ADGB: variants seen among roughly 807,000 people sequenced by gnomAD.
ADGB encodes androglobin, also known as calpain-7-like protein.
Under a neutral mutation model 210.5 loss-of-function variants are expected in ADGB, and 172 were observed. The observed-to-expected ratio is 0.82, with a 90% CI of 0.72 to 0.93. The LOEUF (loss-of-function observed/expected upper bound fraction) is 0.93. ADGB is among the 40% of genes least tolerant of loss of function. The probability of loss-of-function intolerance (pLI) is 0.00; values close to 1 mark genes in which losing one functional copy is unlikely to be tolerated. For missense variants in ADGB, 2,025 were observed against 1,964.8 expected (o/e 1.03, Z -0.58); for synonymous variants, 658 against 662.7 (o/e 0.99, Z 0.11).
intron 28 of ADGB, among the ~76,000 whole-genome samples, chr6:146,766,523 G>T (rs1479864729): frequency 2.0e-5 from 3 of 151,552 alleles, no homozygotes; most frequent in African/African-American, 7.3e-5. Context: ...CCTGAGGGTG[G>T]GGGAGAGGAG....
chr6:146,619,570 G>A (rs1287536005), intron 1 of ADGB, among the ~76,000 whole-genome samples: 1 of 151,752 alleles, frequency 6.6e-6, no homozygotes, highest in Non-Finnish European at 1.5e-5. Context: ...GTTACCATGA[G>A]GCATACAGAA....
intron 26 of ADGB, among the ~76,000 whole-genome samples, chr6:146,751,842 A>G (rs531784117): frequency 9.5e-4 from 145 of 152,248 alleles, no homozygotes; most frequent in African/African-American, 3.3e-3. Context: ...TGCTTATTAC[A>G]TCTAAACAAA....
intron 17 of ADGB, among the ~76,000 whole-genome samples, chr6:146,723,519 T>C (rs1340790341): frequency 1.3e-5 from 2 of 152,110 alleles, no homozygotes; most frequent in African/African-American, 4.8e-5. Context: ...GCAGATCACC[T>C]GAGGTCAGGA....
chr6:146,661,220 C>CTTTTTTTTTTTTTTTTTT (rs5880682), intron 5 of ADGB, among the ~76,000 whole-genome samples: 70 of 116,030 alleles, frequency 6.0e-4, no homozygotes, highest in Non-Finnish European at 8.4e-4. Flanking sequence ...TTCTTTTTTT[C>CTTTTTTTTTTTTTTTTTT]TTTTTTTTTT....
chr6:146,707,241 C>T (rs541676067), intron 13 of ADGB, among the ~76,000 whole-genome samples: 3 of 152,194 alleles, frequency 2.0e-5, no homozygotes, highest in Admixed American at 6.5e-5. Context: ...TTAAGACTTG[C>T]TTTGTGGCCT....
chr6:146,689,348 C>T (rs548530594), intron 10 of ADGB, among the ~76,000 whole-genome samples: 2 of 152,248 alleles, frequency 1.3e-5, no homozygotes, highest in East Asian at 3.9e-4. Flanking sequence ...CATTACTTTA[C>T]ATGAATCAGA....
Position 146,721,479 on chromosome 6 carries a change from C to A in ADGB, c.2069C>A (p.Ala690Glu), listed in dbSNP as rs1181204486. 1.3e-6 allele frequency: 2 copies of A among 1,549,472 alleles called. No individual in the cohort carries two copies. Among genetic ancestry groups the A allele is most frequent in the Non-Finnish European group, 1.7e-6 (2 of 1,145,122 alleles). Residue 690 changes from alanine to glutamate, a missense_variant, in exon 17 of 36, where the codon GCA (alanine) becomes GAA (glutamate). Physicochemically the swap from Ala to Glu is moderately radical, Grantham distance 107. Transcript: ENST00000397944. ...ATTGAACTACTGGTTTGCTTTTCTG[C>A]ATTGGTACGCTGGGGGGAGTATGGA... ...KPIELLVCFS[A>E]LVRWGEYGAL...
At chr6:146,714,467 A>C (rs111299603) in intron 13 of ADGB, among the ~76,000 whole-genome samples, 32 of 152,346 alleles carry the variant, frequency 2.1e-4, no homozygotes, top group African/African-American at 7.2e-4. Flanking sequence ...ACTTTCACTT[A>C]ATTCCTCTGT....
intron 29 of ADGB, among the ~76,000 whole-genome samples, chr6:146,770,247 C>G (rs925475932): frequency 4.9e-4 from 75 of 152,054 alleles, no homozygotes; most frequent in African/African-American, 1.8e-3. Context: ...TGGACCTGAT[C>G]AAGAAAGAGC....
In ADGB at chr6:146,635,500, C is replaced by T. The variant is rs1209846729; in HGVS notation, c.200C>T (p.Ala67Val). 1 of 1,545,442 alleles carries T rather than the reference C, an allele frequency of 6.5e-7. No individual in the cohort carries two copies. Among genetic ancestry groups the T allele is most frequent in the Non-Finnish European group, 8.7e-7 (1 of 1,143,750 alleles). ...NSEKWDAGKGAKEKDKTGKSP... is the reference protein window; with the variant it reads ...NSEKWDAGKGVKEKDKTGKSP... Reference sequence around the variant, plus strand: ...GAAAAGTGGGATGCAGGCAAAGGTGCAAAAGAAAAGGACAAAACAGGAAAA... The same window carrying T: ...GAAAAGTGGGATGCAGGCAAAGGTGTAAAAGAAAAGGACAAAACAGGAAAA... Residue 67 changes from alanine to valine, a missense_variant, in exon 2 of 36, where the codon GCA becomes GTA. Ala to Val is a moderately conservative substitution (Grantham distance 64). Coordinates refer to ENST00000397944, the MANE Select transcript of ADGB (RefSeq NM_024694.4).
chr6:146,730,753 A>G (rs1295078607), intron 20 of ADGB, among the ~76,000 whole-genome samples: 4 of 152,176 alleles, frequency 2.6e-5, no homozygotes, highest in African/African-American at 9.7e-5. Flanking sequence ...GTACTGGCCA[A>G]CGTGGTGAAA....
rs186482591 is a variant in ADGB, at chr6:146,676,501, A to G, written c.1216+60A>G. ...TAGTTGTTTCTTAAAATGCTGGAAA[A>G]CCTTGGAACATAGAAATACATTTTT... On this transcript the variant is annotated intron_variant, in intron 9 of 35. Transcript: ENST00000397944. 388 of 1,215,968 alleles carry G rather than the reference A, an allele frequency of 3.2e-4. 1 individual carries two copies. In the African/African-American group the frequency reaches 5.6e-3, roughly 18 times the overall value. 75.3% of individuals were successfully genotyped at this position (1,215,968 alleles called of 1,614,324 possible).
At chr6:146,644,360 C>G (rs1487905491) in intron 2 of ADGB, among the ~76,000 whole-genome samples, 1 of 151,784 alleles carries the variant, frequency 6.6e-6, no homozygotes, top group Non-Finnish European at 1.5e-5. Context: ...ATGATTCTTA[C>G]AGTTGAAAAT....
chr6:146,797,037 G>A (rs1283071175), intron 33 of ADGB, among the ~76,000 whole-genome samples: 1 of 152,052 alleles, frequency 6.6e-6, no homozygotes, highest in Admixed American at 6.6e-5. Flanking sequence ...AGTGGGCTAA[G>A]GACATGAATA....
chr6:146,676,450 C>A lies in ADGB; in HGVS notation c.1216+9C>A. On this transcript the variant is annotated intron_variant, in intron 9 of 35. Coordinates refer to ENST00000397944, the MANE Select transcript of ADGB (RefSeq NM_024694.4). ...GCAGTCCCTATCAGATTGTAAGCTC[C>A]TAATTTCTTAGAATAATAACTATTT... The A allele has an allele frequency of 7.3e-7, 1 of 1,363,328 alleles. No individual in the cohort carries two copies. Among genetic ancestry groups the A allele is most frequent in the Non-Finnish European group, 9.5e-7 (1 of 1,047,466 alleles). 84.5% of individuals were successfully genotyped at this position (1,363,328 alleles called of 1,614,324 possible). A position where few individuals can be genotyped will look rare whatever the true frequency, so the allele number is the denominator to read the frequency against.
intron 25 of ADGB, among the ~76,000 whole-genome samples, chr6:146,743,685 G>C (rs1254300642): frequency 1.3e-5 from 2 of 152,184 alleles, no homozygotes; most frequent in Non-Finnish European, 2.9e-5. Context: ...AGGCCAAGGT[G>C]GGTGGGTCAT....
intron 12 of ADGB, among the ~76,000 whole-genome samples, chr6:146,695,120 G>C (rs1776385598): frequency 6.6e-6 from 1 of 152,228 alleles, no homozygotes; most frequent in Non-Finnish European, 1.5e-5. Flanking sequence ...CAAGGACTTT[G>C]AGGAACAATG....
In ADGB at chr6:146,661,065, AAT is replaced by A. The variant is rs531696928; in HGVS notation, c.613-3132_613-3131del. Among the ~76,000 whole-genome samples the A allele has an allele frequency of 3.8e-3, 584 of 152,214 alleles. 1 individual carries two copies. The highest frequency in any genetic ancestry group is 5.9e-3 in the Non-Finnish European group (400 of 68,022). On this transcript the variant is annotated intron_variant, in intron 5 of 35. Coordinates refer to ENST00000397944, the MANE Select transcript of ADGB (RefSeq NM_024694.4). ...CAAATCTCTTCACTTTATGAATTAA[AAT>A]ATACATGCATAGCTTATCACAGTCA... is the stretch of plus-strand genomic sequence containing the variant.
intron 13 of ADGB, among the ~76,000 whole-genome samples, chr6:146,708,901 C>T (rs1776617384): frequency 6.6e-6 from 1 of 151,976 alleles, no homozygotes. Flanking sequence ...CATTCCTTTT[C>T]TTTTTTCCAC....
Sources: gnomAD v4.1 joint callset for allele counts (sites outside exome capture counted in the v4.1 genomes callset) on GRCh38, gnomAD v4.1.1 for gene constraint, MANE v1.5 for transcripts, NCBI Gene and HGNC (gene_info 2026-07-23, HGNC 2026-07-21) for gene names.